The following LRRC4C variants were observed in gnomAD, a reference collection of about 807,000 sequenced individuals.
The protein encoded by LRRC4C is leucine rich repeat containing 4C.
In LRRC4C, 5 loss-of-function variants were observed where a neutral mutation model predicts 33.6. The observed-to-expected ratio is 0.15, with a 90% CI of 0.08 to 0.31. LRRC4C has a LOEUF of 0.31. LRRC4C is among the 10% of genes least tolerant of loss of function. The pLI is 1.00. For missense variants in LRRC4C, 560 were observed against 796.7 expected (o/e 0.70, Z 3.58); for synonymous variants, 329 against 302.0 (o/e 1.09, Z -0.93).
intron 3 of LRRC4C, among the ~76,000 whole-genome samples, chr11:40,320,463 G>A (rs1166525129): frequency 6.6e-6 from 1 of 152,058 alleles, no homozygotes. Context: ...CTGAGATCGC[G>A]CCACTGCACT....
chr11:40,227,742 A>G (rs1235817646), intron 5 of LRRC4C, among the ~76,000 whole-genome samples: 1 of 152,198 alleles, frequency 6.6e-6, no homozygotes, highest in Non-Finnish European at 1.5e-5. Flanking sequence ...GTACAAGGAA[A>G]AAAAAGTACC....
At chr11:41,349,652 GC>G (rs1386004816) in intron 1 of LRRC4C, among the ~76,000 whole-genome samples, 3 of 151,854 alleles carry the variant, frequency 2.0e-5, no homozygotes, top group Admixed American at 2.0e-4. Flanking sequence ...GCATACACAA[GC>G]AAAAAGCCCC....
At chr11:40,676,053 C>T (rs1944381825) in intron 2 of LRRC4C, among the ~76,000 whole-genome samples, 2 of 152,114 alleles carry the variant, frequency 1.3e-5, no homozygotes, top group Admixed American at 1.3e-4. Context: ...AACACATTTT[C>T]TGTAGAACAA....
chr11:41,272,365 A>C (rs937975550), intron 1 of LRRC4C, among the ~76,000 whole-genome samples: 1 of 152,034 alleles, frequency 6.6e-6, no homozygotes, highest in African/African-American at 2.4e-5. Context: ...GAACTGTTGC[A>C]GATCTCCTCT....
intron 1 of LRRC4C, among the ~76,000 whole-genome samples, chr11:41,338,657 A>G (rs182730328): frequency 9.9e-4 from 151 of 152,302 alleles, no homozygotes; most frequent in Admixed American, 5.8e-3. Flanking sequence ...ATGCCTATGT[A>G]ACACGCCTGC....
At chr11:41,071,526 G>A (rs1282953360) in intron 1 of LRRC4C, among the ~76,000 whole-genome samples, 2 of 152,152 alleles carry the variant, frequency 1.3e-5, no homozygotes, top group Admixed American at 1.3e-4. Context: ...AAGCCTAGAT[G>A]AAAGCATGGT....
intron 1 of LRRC4C, among the ~76,000 whole-genome samples, chr11:41,303,332 G>A (rs1160357837): frequency 1.7e-5 from 2 of 117,000 alleles, no homozygotes; most frequent in Admixed American, 9.1e-5. Context: ...CGAGTGATCT[G>A]CCAACCTCGG....
At chr11:41,364,546 GATTACAGGC>G (rs1952467475) in intron 1 of LRRC4C, among the ~76,000 whole-genome samples, 1 of 152,134 alleles carries the variant, frequency 6.6e-6, no homozygotes, top group Non-Finnish European at 1.5e-5. Flanking sequence ...AAAGTGCGAG[GATTACAGGC>G]ATGAGCCACT....
At chr11:40,175,638 C>G (rs1218863392) in intron 5 of LRRC4C, among the ~76,000 whole-genome samples, 1 of 152,152 alleles carries the variant, frequency 6.6e-6, no homozygotes, top group Non-Finnish European at 1.5e-5. Context: ...TTCAGACACA[C>G]TATATGCAAA....
intron 3 of LRRC4C, among the ~76,000 whole-genome samples, chr11:40,505,741 A>G (rs1955001717): frequency 6.6e-6 from 1 of 152,152 alleles, no homozygotes; most frequent in African/African-American, 2.4e-5. Context: ...TTGGAGTAAG[A>G]AAGTAGCAAA....
intron 1 of LRRC4C, among the ~76,000 whole-genome samples, chr11:41,290,447 G>T (rs1017193939): frequency 6.6e-6 from 1 of 152,100 alleles, no homozygotes; most frequent in Non-Finnish European, 1.5e-5. Context: ...TCTGATGGGG[G>T]CCTCCATTCT....
At chr11:41,243,894 G>A (rs1948349972) in intron 1 of LRRC4C, among the ~76,000 whole-genome samples, 1 of 152,092 alleles carries the variant, frequency 6.6e-6, no homozygotes, top group South Asian at 2.1e-4. Flanking sequence ...TACAAAGAAA[G>A]ATATAAAGCT....
At chr11:41,100,292 T>A (rs1440784353) in intron 1 of LRRC4C, among the ~76,000 whole-genome samples, 1 of 151,960 alleles carries the variant, frequency 6.6e-6, no homozygotes. Flanking sequence ...GCTGGCTGGG[T>A]GCGGTGGCTC....
chr11:40,841,620 T>C (rs1035792779), intron 2 of LRRC4C, among the ~76,000 whole-genome samples: 2 of 152,210 alleles, frequency 1.3e-5, no homozygotes, highest in Non-Finnish European at 2.9e-5. Context: ...CTGAATCTGC[T>C]GTCACTGTGA....
chr11:40,352,812 G>A (rs79906581), intron 3 of LRRC4C, among the ~76,000 whole-genome samples: 1 of 152,032 alleles, frequency 6.6e-6, no homozygotes, highest in Admixed American at 6.6e-5. Context: ...AGAAAATATA[G>A]CTACTTCATA....
At chr11:41,388,571 G>A (rs950345005) in intron 1 of LRRC4C, among the ~76,000 whole-genome samples, 10 of 151,900 alleles carry the variant, frequency 6.6e-5, no homozygotes, top group African/African-American at 1.4e-4. Flanking sequence ...AGTTTGCTAT[G>A]TTTGAACTGT....
intron 1 of LRRC4C, among the ~76,000 whole-genome samples, chr11:41,329,719 T>C (rs1435599081): frequency 6.6e-6 from 1 of 152,196 alleles, no homozygotes; most frequent in Non-Finnish European, 1.5e-5. Flanking sequence ...TCTCAAAGGG[T>C]GCAATCCTAC....
chr11:40,794,872 C>T (rs1243792518), intron 2 of LRRC4C, among the ~76,000 whole-genome samples: 3 of 152,150 alleles, frequency 2.0e-5, no homozygotes, highest in Non-Finnish European at 2.9e-5. Flanking sequence ...AGTTTGATAT[C>T]TGGCCTAGGA....
chr11:41,295,475 T>C (rs1401012449), intron 1 of LRRC4C, among the ~76,000 whole-genome samples: 1 of 152,208 alleles, frequency 6.6e-6, no homozygotes, highest in Non-Finnish European at 1.5e-5. Flanking sequence ...GTTGTGGGGT[T>C]TTAGATGACG....
Sources: allele counts gnomAD v4.1 joint callset (sites outside exome capture counted in the v4.1 genomes callset), GRCh38; gene constraint gnomAD v4.1.1; transcripts MANE v1.5; gene names NCBI Gene and HGNC (gene_info 2026-07-23, HGNC 2026-07-21).